The following SUZ12 variants were observed in gnomAD, a reference collection of about 807,000 sequenced individuals.
SUZ12 encodes the protein polycomb protein SUZ12.
Under a neutral mutation model 87.3 loss-of-function variants are expected in SUZ12, and 17 were observed. The ratio of observed to expected loss-of-function variants is 0.19; its 90% CI spans 0.13 to 0.29. SUZ12 has a LOEUF of 0.29. Ranked by LOEUF, SUZ12 falls within the 10% of genes least tolerant of loss-of-function variation. The pLI is 1.00. For missense variants in SUZ12, 526 were observed against 912.2 expected (o/e 0.58, Z 5.45); for synonymous variants, 253 against 312.4 (o/e 0.81, Z 2.01).
At position 31,999,028 on chromosome 17, in the gene SUZ12, C is replaced by T; in HGVS notation, c.*25C>T. The T allele has an allele frequency of 6.8e-7, 1 of 1,480,756 alleles. No homozygotes were observed. The highest frequency in any genetic ancestry group is 1.4e-5 in the South Asian group (1 of 68,974). The allele number at this position is 1,480,756 out of a possible 1,614,324, so 91.7% of individuals were successfully genotyped here. A position where few individuals can be genotyped will look rare whatever the true frequency, so the allele number is the denominator to read the frequency against. On this transcript the variant is annotated 3_prime_UTR_variant, in exon 16 of 16. Transcript: ENST00000322652. ...AAAAGCTCTAACCCCATGTTATGGA[C>T]AAACACTGAAATTACATTTTAGGGA...
In SUZ12 at chr17:31,966,200, T is replaced by C. The variant is rs1235730999; in HGVS notation, c.505+4T>C. On this transcript the variant is annotated splice_donor_region_variant and intron_variant, in intron 5 of 15. Coordinates refer to ENST00000322652, the MANE Select transcript of SUZ12 (RefSeq NM_015355.4). ...ACTGGTTTCTTCCACAAAAATGGTATGTATTTAAAAGTAAATAAAGTGGCA... is the reference window on the plus strand; with the variant it reads ...ACTGGTTTCTTCCACAAAAATGGTACGTATTTAAAAGTAAATAAAGTGGCA... 3.1e-6 allele frequency: 5 copies of C among 1,603,566 alleles called. No homozygotes were observed. In the African/African-American group the frequency reaches 5.4e-5, roughly 17 times the overall value.
At position 31,979,103 on chromosome 17, in the gene SUZ12, CAAA is replaced by C. The variant is rs61307349; in HGVS notation, c.917+2509_917+2511del. 1.6e-3 allele frequency among the ~76,000 whole-genome samples: 102 copies of C among 65,254 alleles called. 1 individual carries two copies. The highest frequency in any genetic ancestry group is 4.2e-3 in the African/African-American group (94 of 22,268). The allele number at this position is 65,254 out of a possible 152,430, so 42.8% of individuals were successfully genotyped here. A position where few individuals can be genotyped will look rare whatever the true frequency, so the allele number is the denominator to read the frequency against. On this transcript the variant is annotated intron_variant, in intron 8 of 15. Coordinates refer to ENST00000322652, the MANE Select transcript of SUZ12 (RefSeq NM_015355.4). Reference sequence around the variant, plus strand: ...CCTGGTGACAGCGAGACTGTGTCTCCAAAAAAAAAAAAAAAAAAAAAAGAATTC... The same window carrying C: ...CCTGGTGACAGCGAGACTGTGTCTCCAAAAAAAAAAAAAAAAAAAGAATTC...
chr17:31,973,507 G>T lies in SUZ12; in HGVS notation c.591+276G>T, dbSNP rs189007221. Among the ~76,000 whole-genome samples the T allele has an allele frequency of 2.9e-4, 44 of 152,292 alleles. No individual in the cohort carries two copies. In the East Asian group the frequency reaches 7.5e-3, roughly 26 times the overall value. On this transcript the variant is annotated intron_variant, in intron 6 of 15. Coordinates refer to ENST00000322652, the MANE Select transcript of SUZ12 (RefSeq NM_015355.4). ...AGCATCTGGCATAAATTCAGTTGCT[G>T]TTCTACCATTTCAATCTGTTAGCGT...
intron 3 of SUZ12, among the ~76,000 whole-genome samples, chr17:31,942,089 A>T (rs1906329100): frequency 6.7e-6 from 1 of 149,840 alleles, no homozygotes; most frequent in African/African-American, 2.5e-5. Flanking sequence ...CCTGACTTCA[A>T]GATCTTCCCG....
chr17:32,000,208 CTTTA>C lies in SUZ12; in HGVS notation c.*1211_*1214del, dbSNP rs1039580504. The C allele has an allele frequency of 4.3e-5, 10 of 232,986 alleles. No homozygotes were observed. Among genetic ancestry groups the C allele is most frequent in the East Asian group, 3.6e-4 (6 of 16,460 alleles). 14.4% of individuals were successfully genotyped at this position (232,986 alleles called of 1,614,324 possible). A position where few individuals can be genotyped will look rare whatever the true frequency, so the allele number is the denominator to read the frequency against. On this transcript the variant is annotated 3_prime_UTR_variant, in exon 16 of 16. Transcript: ENST00000322652. ...CTTAAAGATATTGCATTTTCATATTCTTTATTTATAAAGGATCAATGCTGCTGTA... is the reference window on the plus strand; with the variant it reads ...CTTAAAGATATTGCATTTTCATATTCTTTATAAAGGATCAATGCTGCTGTA...
chr17:31,998,885 T>C lies in SUZ12; in HGVS notation c.2102T>C (p.Ile701Thr), dbSNP rs1455530051. Residue 701 changes from isoleucine to threonine, a missense_variant, in exon 16 of 16, where the codon ATA (isoleucine) becomes ACA (threonine). This residue lies in a region of SUZ12 where 56 missense variants were observed against 56.6 expected (regional missense o/e 0.99). Coordinates refer to ENST00000322652, the MANE Select transcript of SUZ12 (RefSeq NM_015355.4). ...TCTGCTTCCCCTGCAAACGAAGAAA[T>C]AACTGAAGAACAAAATGGGACAGCA... is the stretch of plus-strand genomic sequence containing the variant. ...GESASPANEE[I>T]TEEQNGTANG... 6.2e-7 allele frequency: 1 copy of C among 1,613,350 alleles called. No individual in the cohort carries two copies. Among genetic ancestry groups the C allele is most frequent in the South Asian group, 1.1e-5 (1 of 90,870 alleles).
At chr17:31,983,528 C>T (rs1166606570) in intron 9 of SUZ12, among the ~76,000 whole-genome samples, 1 of 152,070 alleles carries the variant, frequency 6.6e-6, no homozygotes, top group Non-Finnish European at 1.5e-5. Flanking sequence ...GATCTGCCCA[C>T]CTTGGCCTCC....
chr17:31,938,400 C>A (rs1426304550), intron 1 of SUZ12, among the ~76,000 whole-genome samples: 1 of 152,106 alleles, frequency 6.6e-6, no homozygotes, highest in Non-Finnish European at 1.5e-5. Flanking sequence ...TTGGCTCTAC[C>A]GCCCAGTGTC....
chr17:31,999,808 C>A lies in SUZ12; in HGVS notation c.*805C>A, dbSNP rs537166. 4.3e-6 allele frequency: 1 copy of A among 231,128 alleles called. No homozygotes were observed. Among genetic ancestry groups the A allele is most frequent in the South Asian group, 1.8e-4 (1 of 5,490 alleles). The allele number at this position is 231,128 out of a possible 1,614,324, so 14.3% of individuals were successfully genotyped here. A position where few individuals can be genotyped will look rare whatever the true frequency, so the allele number is the denominator to read the frequency against. On this transcript the variant is annotated 3_prime_UTR_variant, in exon 16 of 16. Coordinates refer to ENST00000322652, the MANE Select transcript of SUZ12 (RefSeq NM_015355.4). ...TTTCTTTTTTAATTAGATAATCACA[C>A]GGAAAATTAAGCTGTTCATATCTTT...
intron 15 of SUZ12, 131 bp downstream of exon 15, chr17:31,997,008 T>G: frequency 1.6e-6 from 1 of 625,182 alleles, no homozygotes; most frequent in Non-Finnish European, 2.4e-6. Context: ...TCCCAAATTT[T>G]ATTCTATTCC....
chr17:31,945,051 G>A (rs1185607711), intron 3 of SUZ12, among the ~76,000 whole-genome samples: 5 of 110,616 alleles, frequency 4.5e-5, no homozygotes, highest in Admixed American at 1.2e-4. Context: ...AGTAGAGGGA[G>A]ATGGTGTCTC....
intron 4 of SUZ12, among the ~76,000 whole-genome samples, chr17:31,951,236 T>C (rs926473874): frequency 6.6e-6 from 1 of 152,104 alleles, no homozygotes; most frequent in African/African-American, 2.4e-5. Context: ...GTTCAAGGGG[T>C]ATCAAGATAA....
chr17:31,997,666 C>CAAAAAAAAAAAAAAAAA (rs892389046), intron 15 of SUZ12, among the ~76,000 whole-genome samples: 1 of 70,422 alleles, frequency 1.4e-5, no homozygotes, highest in African/African-American at 4.8e-5. Context: ...ACCCTATCTC[C>CAAAAAAAAAAAAAAAAA]AAAAAAAAAA....
At chr17:31,995,852 G>T in intron 14 of SUZ12, 90 bp downstream of exon 14, 1 of 931,368 alleles carries the variant, frequency 1.1e-6, no homozygotes, top group Non-Finnish European at 1.6e-6. Flanking sequence ...TATTGTAAAG[G>T]AACTTTTTTT....
At chr17:31,962,953 A>C (rs1159743495) in intron 4 of SUZ12, among the ~76,000 whole-genome samples, 1 of 152,238 alleles carries the variant, frequency 6.6e-6, no homozygotes, top group Non-Finnish European at 1.5e-5. Flanking sequence ...GAATTGTAGA[A>C]TATTCCTCTT....
chr17:31,951,126 A>G (rs745831015), intron 4 of SUZ12, among the ~76,000 whole-genome samples: 1 of 152,156 alleles, frequency 6.6e-6, no homozygotes, highest in Non-Finnish European at 1.5e-5. Context: ...AGATCTGTAC[A>G]GGTCTAGTCT....
intron 4 of SUZ12, among the ~76,000 whole-genome samples, chr17:31,963,270 G>C (rs1289132215): frequency 2.0e-5 from 3 of 151,966 alleles, no homozygotes; most frequent in African/African-American, 7.2e-5. Context: ...TCAGCCTCCT[G>C]AGTAGCTGGG....
At chr17:31,987,430 C>T (rs1468599963) in intron 9 of SUZ12, among the ~76,000 whole-genome samples, 1 of 152,052 alleles carries the variant, frequency 6.6e-6, no homozygotes, top group Non-Finnish European at 1.5e-5. Context: ...GTGATTCGGT[C>T]AGATGGCTAA....
chr17:31,941,371 C>T (rs1906270314), intron 3 of SUZ12, among the ~76,000 whole-genome samples: 1 of 150,778 alleles, frequency 6.6e-6, no homozygotes, highest in Non-Finnish European at 1.5e-5. Flanking sequence ...ATTCTCCTGC[C>T]TCAGCTTCCC....
Sources: gnomAD v4.1 joint callset for allele counts (sites outside exome capture counted in the v4.1 genomes callset) on GRCh38, gnomAD v4.1.1 for gene constraint, gnomAD v4.1.1 regional missense constraint, MANE v1.5 for transcripts, NCBI Gene and HGNC (gene_info 2026-07-23, HGNC 2026-07-21) for gene names.